Variants in CCDC60 observed in about 807,000 individuals in gnomAD.
CCDC60 encodes the protein coiled-coil domain-containing protein 60.
In CCDC60, 54 loss-of-function variants were observed where a neutral mutation model predicts 63.5. The observed-to-expected ratio is 0.85, with a 90% confidence interval of 0.68 to 1.07. The LOEUF (loss-of-function observed/expected upper bound fraction) is 1.07. CCDC60 is among the 50% of genes least tolerant of loss of function. The pLI is 0.00. For missense variants in CCDC60, 651 were observed against 684.3 expected (o/e 0.95, Z 0.54); for synonymous variants, 206 against 238.8 (o/e 0.86, Z 1.27).
Position 119,505,242 on chromosome 12 carries a change from C to G in CCDC60, c.822C>G (p.Ser274Arg). ...PPSVNTQVTSSKDIEDNESSS... is the reference protein window; with the variant it reads ...PPSVNTQVTSRKDIEDNESSS... ...GTGTGAACACCCAGGTGACCAGCAG[C>G]AAGGACATTGAGGACAATGAGTCAT... Residue 274 changes from serine to arginine, a missense_variant, in exon 7 of 14, where the codon AGC becomes AGG. Ser to Arg is a moderately radical substitution (Grantham distance 110, BLOSUM62 -1). Transcript: ENST00000327554. The G allele has an allele frequency of 6.2e-7, 1 of 1,613,694 alleles. No individual in the cohort carries two copies. The highest frequency in any genetic ancestry group is 1.3e-5 in the African/African-American group (1 of 75,052).
intron 1 of CCDC60, among the ~76,000 whole-genome samples, chr12:119,339,711 G>A (rs1281231184): frequency 6.6e-6 from 1 of 152,214 alleles, no homozygotes; most frequent in East Asian, 1.9e-4. Context: ...GGGAGGCTGA[G>A]GCAGGAGGCT....
rs761339452 is a variant in CCDC60, at chr12:119,520,182, C to G, written c.1030C>G (p.Leu344Val). The stretch of plus-strand genomic sequence containing the variant: ...TGCTTATAAGGAAATGCAGACCACT[C>G]TCAAATCAAGGTAGGAAAGCCTGGA... Reference protein sequence around the residue: ...NSAYKEMQTTLKSSERSSSTS... With the variant: ...NSAYKEMQTTVKSSERSSSTS... The change falls in exon 9 of 14, where the codon CTC (leucine) becomes GTC (valine). Residue 344 changes from leucine to valine, a missense_variant. Physicochemically the swap from Leu to Val is conservative, Grantham distance 32 (BLOSUM62 1). Coordinates refer to ENST00000327554, the MANE Select transcript of CCDC60 (RefSeq NM_178499.5). 6.2e-7 allele frequency: 1 copy of G among 1,613,796 alleles called. No individual in the cohort carries two copies. Among genetic ancestry groups the G allele is most frequent in the South Asian group, 1.1e-5 (1 of 90,988 alleles).
intron 1 of CCDC60, among the ~76,000 whole-genome samples, chr12:119,339,638 GAACAA>G (rs1015270080): frequency 2.6e-5 from 4 of 152,060 alleles, no homozygotes; most frequent in Non-Finnish European, 5.9e-5. Flanking sequence ...AGTAAAAACA[GAACAA>G]AACAAAACAA....
At chr12:119,359,514 T>C (rs555291386) in intron 1 of CCDC60, among the ~76,000 whole-genome samples, 5 of 152,070 alleles carry the variant, frequency 3.3e-5, no homozygotes, top group Admixed American at 2.6e-4. Flanking sequence ...TTTAAATATA[T>C]AGATAGATGC....
chr12:119,491,124 C>G (rs1951571752), intron 5 of CCDC60, among the ~76,000 whole-genome samples: 1 of 152,132 alleles, frequency 6.6e-6, no homozygotes. Flanking sequence ...ACATGATTTT[C>G]CCCTTTACAA....
At position 119,540,884 on chromosome 12, in the gene CCDC60, G is replaced by A. The variant is rs543891460; in HGVS notation, c.*169G>A. The A allele has an allele frequency of 2.1e-5, 12 of 562,060 alleles. No individual in the cohort carries two copies. In the Admixed American group the frequency reaches 3.7e-4, roughly 17 times the overall value. The allele number at this position is 562,060 out of a possible 1,614,324, so 34.8% of individuals were successfully genotyped here. On this transcript the variant is annotated 3_prime_UTR_variant, in exon 14 of 14. Transcript: ENST00000327554. ...TGACTTCCAGCAACATTTTTAGAGG[G>A]GGATGGCCCCGGTGGCCCTCCCCTC... is the stretch of plus-strand genomic sequence containing the variant.
At chr12:119,357,602 G>C (rs1478557615) in intron 1 of CCDC60, among the ~76,000 whole-genome samples, 1 of 152,082 alleles carries the variant, frequency 6.6e-6, no homozygotes, top group Non-Finnish European at 1.5e-5. Flanking sequence ...TTACAGGCAT[G>C]TGCCACCACA....
intron 1 of CCDC60, among the ~76,000 whole-genome samples, chr12:119,340,324 C>A (rs762745779): frequency 2.6e-5 from 4 of 152,118 alleles, no homozygotes; most frequent in Non-Finnish European, 5.9e-5. Flanking sequence ...TGGTAGCCAC[C>A]ATTACGGCGT....
At chr12:119,347,642 C>T (rs1422602246) in intron 1 of CCDC60, among the ~76,000 whole-genome samples, 1 of 151,850 alleles carries the variant, frequency 6.6e-6, no homozygotes, top group Non-Finnish European at 1.5e-5. Flanking sequence ...ACTAGAAATT[C>T]CATTTGGACA....
chr12:119,526,103 A>G (rs1028499754), intron 11 of CCDC60, among the ~76,000 whole-genome samples: 2 of 152,158 alleles, frequency 1.3e-5, no homozygotes, highest in African/African-American at 4.8e-5. Context: ...AGCCCAGAGT[A>G]AGGCTGCACA....
chr12:119,351,552 G>T (rs1955656761), intron 1 of CCDC60, among the ~76,000 whole-genome samples: 1 of 152,190 alleles, frequency 6.6e-6, no homozygotes, highest in Non-Finnish European at 1.5e-5. Flanking sequence ...TACATGGCAG[G>T]AGCAGGACCC....
intron 1 of CCDC60, among the ~76,000 whole-genome samples, chr12:119,344,836 T>TTCTCTCTCTC (rs796680771): frequency 9.3e-6 from 1 of 107,870 alleles, no homozygotes; most frequent in African/African-American, 3.5e-5. Context: ...CTCTCTCTCT[T>TTCTCTCTCTC]TCTCTCTCTC....
intron 2 of CCDC60, among the ~76,000 whole-genome samples, chr12:119,464,625 T>C (rs930455441): frequency 2.0e-5 from 3 of 152,150 alleles, no homozygotes; most frequent in African/African-American, 7.2e-5. Context: ...CACCTCATTG[T>C]ACTCCGTCCC....
At chr12:119,351,750 G>C (rs1044775080) in intron 1 of CCDC60, among the ~76,000 whole-genome samples, 16 of 152,192 alleles carry the variant, frequency 1.1e-4, no homozygotes, top group African/African-American at 3.1e-4. Flanking sequence ...GACCACCTCA[G>C]CCTGGACTTC....
At chr12:119,437,953 G>A (rs1053262752) in intron 2 of CCDC60, among the ~76,000 whole-genome samples, 2 of 152,016 alleles carry the variant, frequency 1.3e-5, no homozygotes, top group Non-Finnish European at 2.9e-5. Context: ...CGAGTCACTA[G>A]TTTGTCCCAT....
chr12:119,499,280 G>A (rs1224518324), intron 5 of CCDC60, among the ~76,000 whole-genome samples: 1 of 152,112 alleles, frequency 6.6e-6, no homozygotes, highest in Non-Finnish European at 1.5e-5. Flanking sequence ...CCCATGACAG[G>A]AGGATCCAGG....
intron 3 of CCDC60, among the ~76,000 whole-genome samples, chr12:119,474,746 C>G (rs542186348): frequency 6.6e-6 from 1 of 152,260 alleles, no homozygotes; most frequent in Non-Finnish European, 1.5e-5. Flanking sequence ...GTGGCTCACA[C>G]CTGTAATCCC....
At chr12:119,465,005 C>G (rs1481462000) in intron 2 of CCDC60, among the ~76,000 whole-genome samples, 1 of 152,190 alleles carries the variant, frequency 6.6e-6, no homozygotes, top group Non-Finnish European at 1.5e-5. Flanking sequence ...CTCCTTTAAC[C>G]AATTACGAAT....
intron 13 of CCDC60, among the ~76,000 whole-genome samples, chr12:119,532,987 C>T (rs1485865438): frequency 2.0e-5 from 3 of 152,144 alleles, no homozygotes; most frequent in Admixed American, 6.5e-5. Flanking sequence ...CTTGAGGAAT[C>T]ACCACTCTGT....
Sources: gnomAD v4.1 joint callset for allele counts (sites outside exome capture counted in the v4.1 genomes callset) on GRCh38, gnomAD v4.1.1 for gene constraint, MANE v1.5 for transcripts, NCBI Gene and HGNC (gene_info 2026-07-23, HGNC 2026-07-21) for gene names.